The following KCNQ5 variants were observed in gnomAD, a reference collection of about 807,000 sequenced individuals.
KCNQ5 encodes the protein potassium voltage-gated channel subfamily Q member 5.
Under a neutral mutation model 98.2 loss-of-function variants are expected in KCNQ5, and 30 were observed. The ratio of observed to expected loss-of-function variants is 0.31; its 90% CI spans 0.23 to 0.41. KCNQ5 has a LOEUF of 0.41. KCNQ5 is among the 10% of genes least tolerant of loss of function. The probability of loss-of-function intolerance (pLI) is 1.00; values close to 1 mark genes in which losing one functional copy is unlikely to be tolerated. For synonymous variants in KCNQ5, 458 were observed against 449.4 expected (o/e 1.02, Z -0.24); for missense variants, 835 against 1,182.5 (o/e 0.71, Z 4.31).
rs528612907 is a variant in KCNQ5 at position 72,630,767 on chromosome 6, A to G, written c.398+8180A>G. 5.3e-5 allele frequency among the ~76,000 whole-genome samples: 8 copies of G among 152,298 alleles called. No homozygotes were observed. In the East Asian group the frequency reaches 1.3e-3, roughly 26 times the overall value. ...GAAACTAGAGGGAAAAATAGAGACA[A>G]TGTGCTGGAAGGCTGTATTTATATG... On this transcript the variant is annotated intron_variant, in intron 1 of 13. Coordinates refer to ENST00000370398, the MANE Select transcript of KCNQ5 (RefSeq NM_019842.4).
chr6:72,947,122 A>G (rs1013879312), intron 1 of KCNQ5, among the ~76,000 whole-genome samples: 2 of 152,166 alleles, frequency 1.3e-5, no homozygotes, highest in Non-Finnish European at 1.5e-5. Flanking sequence ...AGGGCCTTCT[A>G]TGTAGGCTTT....
intron 1 of KCNQ5, among the ~76,000 whole-genome samples, chr6:72,763,662 T>C (rs1355390990): frequency 2.6e-5 from 4 of 152,012 alleles, no homozygotes. Context: ...ATTTCTGTCC[T>C]AAAGGAGGCC....
In KCNQ5 at chr6:73,189,098, A is replaced by G. The variant is rs934417324; in HGVS notation, c.1578-1475A>G. ...CAGGACCAGAAATTTCACATGTAAC[A>G]TATTTTGTTATTTTTCTCAGTTTTT... is the stretch of plus-strand genomic sequence containing the variant. On this transcript the variant is annotated intron_variant, in intron 11 of 13. Transcript: ENST00000370398. 2.0e-5 allele frequency among the ~76,000 whole-genome samples: 3 copies of G among 151,958 alleles called. No individual in the cohort carries two copies. The East Asian group carries it at 5.8e-4, about 29-fold the overall frequency.
In KCNQ5 at chr6:72,748,178, GTTGT is replaced by G. The variant is rs199719909; in HGVS notation, c.398+125610_398+125613del. On this transcript the variant is annotated intron_variant, in intron 1 of 13. Coordinates refer to ENST00000370398, the MANE Select transcript of KCNQ5 (RefSeq NM_019842.4). ...TCTTTTATACAGTTGATGTGTGATA[GTTGT>G]TTGTTTGTTTGTTTGTTTTTTTAAT... Among the ~76,000 whole-genome samples the G allele has an allele frequency of 2.1e-3, 312 of 152,182 alleles. 2 individuals carry two copies. The highest frequency in any genetic ancestry group is 0.013 in the Admixed American group (197 of 15,262).
chr6:73,084,397 A>G (rs68119906), intron 5 of KCNQ5, among the ~76,000 whole-genome samples: 21,620 of 152,100 alleles, frequency 0.14, 3,009 homozygotes, highest in African/African-American at 0.37. Context: ...TTTTTCCAAA[A>G]TCAGCTCTGG....
At chr6:72,730,456 A>G (rs2223939) in intron 1 of KCNQ5, among the ~76,000 whole-genome samples, 55,557 of 151,796 alleles carry the variant, frequency 0.37, 13,785 homozygotes, top group African/African-American at 0.67. Context: ...TTGTTATTTT[A>G]TTTTGTTACA....
intron 1 of KCNQ5, among the ~76,000 whole-genome samples, chr6:72,841,741 A>G (rs1776803499): frequency 6.6e-6 from 1 of 152,112 alleles, no homozygotes; most frequent in African/African-American, 2.4e-5. Flanking sequence ...TCTCATTTGG[A>G]TATGTAATCC....
At chr6:73,010,496 A>G (rs189600663) in intron 2 of KCNQ5, among the ~76,000 whole-genome samples, 1 of 152,184 alleles carries the variant, frequency 6.6e-6, no homozygotes, top group Admixed American at 6.5e-5. Context: ...TCAACAAAGT[A>G]CTAGACGGCT....
At chr6:72,849,594 A>C (rs1777161816) in intron 1 of KCNQ5, among the ~76,000 whole-genome samples, 1 of 152,288 alleles carries the variant, frequency 6.6e-6, no homozygotes, top group South Asian at 2.1e-4. Context: ...GATGATCTGC[A>C]AGAACTACAT....
At chr6:72,864,957 A>G (rs1419801088) in intron 1 of KCNQ5, among the ~76,000 whole-genome samples, 1 of 152,230 alleles carries the variant, frequency 6.6e-6, no homozygotes, top group Non-Finnish European at 1.5e-5. Context: ...CATCTGAGTC[A>G]ATATTTGTAC....
At chr6:73,118,686 A>G (rs749672828) in intron 7 of KCNQ5, among the ~76,000 whole-genome samples, 6 of 152,204 alleles carry the variant, frequency 3.9e-5, no homozygotes, top group Non-Finnish European at 5.9e-5. Context: ...GGATTTCACA[A>G]TCATGACTGA....
intron 1 of KCNQ5, among the ~76,000 whole-genome samples, chr6:72,796,121 T>C (rs1239698626): frequency 6.6e-6 from 1 of 152,188 alleles, no homozygotes; most frequent in African/African-American, 2.4e-5. Context: ...TTTGTGTTTC[T>C]AATAACCAAT....
At chr6:73,194,427 G>A (rs1030805786) in intron 13 of KCNQ5, 25 bp from the exon 14 acceptor site, 1 of 1,583,572 alleles carries the variant, frequency 6.3e-7, no homozygotes, top group African/African-American at 1.4e-5. Flanking sequence ...TTATACTCAT[G>A]TGTAACCATT....
intron 1 of KCNQ5, among the ~76,000 whole-genome samples, chr6:72,749,594 A>T (rs918651646): frequency 6.6e-6 from 1 of 152,118 alleles, no homozygotes; most frequent in African/African-American, 2.4e-5. Context: ...CTCTCCTGCC[A>T]TGCTCTGCCT....
chr6:72,994,633 G>A (rs1357032154), intron 1 of KCNQ5, among the ~76,000 whole-genome samples: 1 of 151,828 alleles, frequency 6.6e-6, no homozygotes, highest in Non-Finnish European at 1.5e-5. Flanking sequence ...CGTCGCTCAC[G>A]CTGGGAGCTG....
chr6:73,111,419 A>G lies in KCNQ5; in HGVS notation c.1125+16A>G. On this transcript the variant is annotated intron_variant, in intron 7 of 13. Transcript: ENST00000370398. ...CCTCATTCAGGTAAATGTCAATGTA[A>G]TAGGTAGATGGCAACATTTGTGTCC... The G allele has an allele frequency of 6.5e-7, 1 of 1,547,864 alleles. No homozygotes were observed. Among genetic ancestry groups the G allele is most frequent in the Non-Finnish European group, 8.8e-7 (1 of 1,129,990 alleles).
At chr6:72,647,776 A>G (rs1211935738) in intron 1 of KCNQ5, among the ~76,000 whole-genome samples, 1 of 152,226 alleles carries the variant, frequency 6.6e-6, no homozygotes, top group Non-Finnish European at 1.5e-5. Flanking sequence ...TCCTATGGGA[A>G]TGACTCCCCC....
At chr6:72,740,685 C>T (rs780285572) in intron 1 of KCNQ5, among the ~76,000 whole-genome samples, 1 of 151,974 alleles carries the variant, frequency 6.6e-6, no homozygotes, top group Non-Finnish European at 1.5e-5. Context: ...AAGACTTCTC[C>T]AAGCAGAGTT....
At chr6:73,093,631 T>A (rs377624214) in intron 5 of KCNQ5, among the ~76,000 whole-genome samples, 1 of 152,168 alleles carries the variant, frequency 6.6e-6, no homozygotes, top group African/African-American at 2.4e-5. Flanking sequence ...ATTCAAAGAA[T>A]TTTTTAATTT....
Sources: gnomAD v4.1 joint callset for allele counts (sites outside exome capture counted in the v4.1 genomes callset) on GRCh38, gnomAD v4.1.1 for gene constraint, MANE v1.5 for transcripts, NCBI Gene and HGNC (gene_info 2026-07-23, HGNC 2026-07-21) for gene names.